SUGCT: variants seen among roughly 807,000 people sequenced by gnomAD.
SUGCT encodes succinyl-CoA:glutarate CoA-transferase.
Under a neutral mutation model 55.0 loss-of-function variants are expected in SUGCT, and 41 were observed. The observed-to-expected ratio is 0.74, with a 90% CI of 0.58 to 0.97. SUGCT has a LOEUF of 0.97. Among genes scored for constraint, SUGCT ranks in the 50% least tolerant of loss-of-function variants. SUGCT has a pLI of 0.00. For missense variants in SUGCT, 568 were observed against 547.8 expected, an observed-to-expected ratio of 1.04 and a Z score of -0.37; for synonymous variants, 187 against 200.4, an observed-to-expected ratio of 0.93 and a Z score of 0.56.
chr7:40,904,123 A>G, the SUGCT span, among the ~76,000 whole-genome samples: 2 of 152,224 alleles, frequency 1.3e-5, no homozygotes, highest in Non-Finnish European at 2.9e-5. Flanking sequence ...ATGAGTTTTT[A>G]CAGCCAAATT....
At chr7:40,220,747 A>C (rs1462633820) in intron 6 of SUGCT, among the ~76,000 whole-genome samples, 1 of 152,244 alleles carries the variant, frequency 6.6e-6, no homozygotes, top group Non-Finnish European at 1.5e-5. Flanking sequence ...TTAGGATTGC[A>C]AATTCTAAAT....
chr7:40,998,320 C>T, the SUGCT span, among the ~76,000 whole-genome samples: 54,276 of 151,386 alleles, frequency 0.36, 10,515 homozygotes, highest in South Asian at 0.45. Context: ...TGCAGTGAGC[C>T]GAGATTGCAC....
At chr7:40,524,121 C>A (rs945724649) in intron 12 of SUGCT, among the ~76,000 whole-genome samples, 2 of 151,970 alleles carry the variant, frequency 1.3e-5, no homozygotes, top group Non-Finnish European at 1.5e-5. Context: ...ATTTACTTTA[C>A]CCTTGTCCTT....
chr7:40,902,402 A>G, the SUGCT span, among the ~76,000 whole-genome samples: 113 of 151,884 alleles, frequency 7.4e-4, 1 homozygote, highest in Non-Finnish European at 2.4e-4. Context: ...ATATGGTGAA[A>G]CCCCATCTCT....
chr7:40,482,659 G>A (rs1791118273), intron 11 of SUGCT, among the ~76,000 whole-genome samples: 1 of 152,180 alleles, frequency 6.6e-6, no homozygotes, highest in African/African-American at 2.4e-5. Context: ...CATTCACACA[G>A]CTTAGGTTGT....
At chr7:40,359,550 T>C (rs780174748) in intron 9 of SUGCT, among the ~76,000 whole-genome samples, 2 of 152,104 alleles carry the variant, frequency 1.3e-5, no homozygotes, top group Non-Finnish European at 2.9e-5. Context: ...CGTGGCAATA[T>C]CAGTACAAGT....
chr7:40,819,122 A>G (rs888352377), intron 13 of SUGCT, among the ~76,000 whole-genome samples: 28 of 152,090 alleles, frequency 1.8e-4, no homozygotes, highest in African/African-American at 6.0e-4. Context: ...TCCATGGTGT[A>G]TATGTGCCAC....
At chr7:40,764,833 A>G (rs1291556366) in intron 13 of SUGCT, among the ~76,000 whole-genome samples, 1 of 151,854 alleles carries the variant, frequency 6.6e-6, no homozygotes, top group Non-Finnish European at 1.5e-5. Context: ...GGAGAGGAGT[A>G]AGATCACAGC....
At chr7:40,158,001 G>C (rs1278754352) in intron 1 of SUGCT, among the ~76,000 whole-genome samples, 1 of 152,066 alleles carries the variant, frequency 6.6e-6, no homozygotes, top group Non-Finnish European at 1.5e-5. Context: ...GAGGTCAAGA[G>C]TTCAAGACCA....
intron 1 of SUGCT, among the ~76,000 whole-genome samples, chr7:40,140,790 C>T (rs1584151593): frequency 1.3e-5 from 2 of 152,296 alleles, no homozygotes; most frequent in East Asian, 1.9e-4. Context: ...AATGTGATAA[C>T]ACCAGCTTTG....
At chr7:40,249,332 T>TATAG (rs1240642026) in intron 7 of SUGCT, among the ~76,000 whole-genome samples, 5 of 120,080 alleles carry the variant, frequency 4.2e-5, no homozygotes, top group Admixed American at 2.6e-4. Flanking sequence ...TATATATATA[T>TATAG]ATATATATAT....
the SUGCT span, among the ~76,000 whole-genome samples, chr7:40,970,603 CA>C: frequency 2.0e-5 from 3 of 152,052 alleles, no homozygotes; most frequent in Non-Finnish European, 4.4e-5. Context: ...TGTTCACGAC[CA>C]AATAGGAAAG....
Position 40,238,761 on chromosome 7 carries a change from A to G in SUGCT, c.576+1035A>G, listed in dbSNP as rs375299042. On this transcript the variant is annotated intron_variant, in intron 7 of 13. Transcript: ENST00000335693. Reference sequence around the variant, plus strand: ...TTTTAATTTCTGGAAATACAAAGTTATTGTACTTTCATCTTCGTTTCATTT... The same window carrying G: ...TTTTAATTTCTGGAAATACAAAGTTGTTGTACTTTCATCTTCGTTTCATTT... Among the ~76,000 whole-genome samples the G allele has an allele frequency of 5.7e-4, 85 of 150,300 alleles. 1 individual carries two copies. The South Asian group carries it at 0.018, about 31-fold the overall frequency.
chr7:40,869,109 T>A, the SUGCT span, among the ~76,000 whole-genome samples: 4 of 152,172 alleles, frequency 2.6e-5, no homozygotes. Flanking sequence ...TCCCCAAGAT[T>A]CCCAGCCACA....
intron 13 of SUGCT, among the ~76,000 whole-genome samples, chr7:40,809,286 T>A (rs1203514912): frequency 6.6e-6 from 1 of 152,328 alleles, no homozygotes; most frequent in East Asian, 1.9e-4. Context: ...TTTCCATCTA[T>A]GATTTTTCCT....
Position 40,459,181 on chromosome 7 carries a change from T to A in SUGCT, c.969T>A (p.Ile323=). 6.2e-7 allele frequency: 1 copy of A among 1,600,810 alleles called. No homozygotes were observed. The part of the protein sequence containing the change: ...HLRVHNRKEL[I]KILSERFEEE... The stretch of plus-strand genomic sequence containing the variant: ...GGGTACACAATAGAAAAGAGCTTAT[T>A]AAAATATTATCTGAACGGTAAGTTT... Residue 323 remains isoleucine (I), a synonymous_variant, in exon 11 of 14, where the codon ATT becomes ATA. Transcript: ENST00000335693.
rs1397753604 is a variant in SUGCT at position 40,351,604 on chromosome 7, AC to A, written c.816+34750del. On this transcript the variant is annotated intron_variant, in intron 9 of 13. Coordinates refer to ENST00000335693, the MANE Select transcript of SUGCT (RefSeq NM_001193313.2). ...AGGTAATAACTGTGATCAGAGTTCC[AC>A]ATAATGTTTTTAGAAAATCTCTAGA... Among the ~76,000 whole-genome samples the A allele has an allele frequency of 4.6e-5, 7 of 152,292 alleles. No homozygotes were observed. In the South Asian group the frequency reaches 1.0e-3, roughly 23 times the overall value.
At chr7:40,816,490 CCT>C (rs1361022940) in intron 13 of SUGCT, among the ~76,000 whole-genome samples, 10 of 152,062 alleles carry the variant, frequency 6.6e-5, no homozygotes, top group Admixed American at 6.6e-4. Context: ...AGGCTTTCTG[CCT>C]CTCTCATGTA....
At position 40,590,662 on chromosome 7, in the gene SUGCT, G is replaced by A. The variant is rs1797664310; in HGVS notation, c.1089+94276G>A. Among the ~76,000 whole-genome samples, 4 of 152,294 alleles carry A rather than the reference G, an allele frequency of 2.6e-5. No individual in the cohort carries two copies. The South Asian group carries it at 8.3e-4, about 32-fold the overall frequency. On this transcript the variant is annotated intron_variant, in intron 12 of 13. Transcript: ENST00000335693. ...TCTGGACTGTCAAAGCTAGAGAGAA[G>A]TCAGTTCCTGGCTTCAAAGCTCAAA...
Sources: allele counts gnomAD v4.1 joint callset (sites outside exome capture counted in the v4.1 genomes callset), GRCh38; gene constraint gnomAD v4.1.1; transcripts MANE v1.5; gene names NCBI Gene and HGNC (gene_info 2026-07-23, HGNC 2026-07-21).